The following ASIC2 variants were observed in gnomAD, a reference collection of about 807,000 sequenced individuals.
ASIC2 encodes acid sensing ion channel subunit 2.
In ASIC2, 25 loss-of-function variants were observed where a neutral mutation model predicts 57.3. The observed-to-expected ratio is 0.44, with a 90% CI of 0.32 to 0.61. The LOEUF (loss-of-function observed/expected upper bound fraction) is 0.61. Ranked by LOEUF, ASIC2 falls within the 20% of genes least tolerant of loss-of-function variation. The probability of loss-of-function intolerance (pLI) is 0.06; values close to 1 mark genes in which losing one functional copy is unlikely to be tolerated. For missense variants in ASIC2, 641 were observed against 738.1 expected, an observed-to-expected ratio of 0.87 and a Z score of 1.52; for synonymous variants, 319 against 307.5, an observed-to-expected ratio of 1.04 and a Z score of -0.39.
At chr17:33,268,377 CCAT>C (rs1909558251) in intron 1 of ASIC2, among the ~76,000 whole-genome samples, 1 of 151,804 alleles carries the variant, frequency 6.6e-6, no homozygotes, top group African/African-American at 2.4e-5. Flanking sequence ...ATCCATCCAT[CCAT>C]CCATCCATCC....
At chr17:33,754,990 C>G (rs1462454275) in intron 1 of ASIC2, among the ~76,000 whole-genome samples, 1 of 143,760 alleles carries the variant, frequency 7.0e-6, no homozygotes, top group Non-Finnish European at 1.6e-5. Flanking sequence ...GAACAGTTCC[C>G]TATAGACAGT....
At chr17:33,081,628 A>G (rs1364439532) in intron 3 of ASIC2, among the ~76,000 whole-genome samples, 1 of 152,242 alleles carries the variant, frequency 6.6e-6, no homozygotes, top group South Asian at 2.1e-4. Flanking sequence ...ATTAAGGACC[A>G]TGGATCTGGC....
chr17:33,886,950 A>G (rs1325691883), intron 1 of ASIC2, among the ~76,000 whole-genome samples: 1 of 151,920 alleles, frequency 6.6e-6, no homozygotes, highest in Non-Finnish European at 1.5e-5. Context: ...AAACAAACAA[A>G]CTAACAAAAA....
intron 3 of ASIC2, among the ~76,000 whole-genome samples, chr17:33,078,654 T>A (rs905615257): frequency 6.6e-6 from 1 of 152,116 alleles, no homozygotes; most frequent in African/African-American, 2.4e-5. Flanking sequence ...CCCAGGCTGG[T>A]CTCCAACTCC....
intron 1 of ASIC2, among the ~76,000 whole-genome samples, chr17:33,781,955 T>C (rs777679134): frequency 1.1e-4 from 16 of 152,148 alleles, no homozygotes; most frequent in South Asian, 2.1e-4. Flanking sequence ...GGCTCTCTTA[T>C]AGATTTCTGT....
chr17:33,222,386 T>C (rs1012190671), intron 1 of ASIC2, among the ~76,000 whole-genome samples: 15 of 152,128 alleles, frequency 9.9e-5, no homozygotes, highest in African/African-American at 1.2e-4. Flanking sequence ...TCTACAGAGA[T>C]AGAAAGTAGA....
intron 3 of ASIC2, among the ~76,000 whole-genome samples, chr17:33,029,529 A>G (rs1367113875): frequency 6.6e-6 from 1 of 152,152 alleles, no homozygotes; most frequent in Admixed American, 6.5e-5. Flanking sequence ...TTATCCACTC[A>G]CTTGATGATG....
chr17:33,431,647 A>G (rs1302714465), intron 1 of ASIC2, among the ~76,000 whole-genome samples: 1 of 152,154 alleles, frequency 6.6e-6, no homozygotes, highest in Non-Finnish European at 1.5e-5. Context: ...AAAAGATACC[A>G]TATTTTAGAG....
chr17:33,737,885 G>A (rs888282343), intron 1 of ASIC2, among the ~76,000 whole-genome samples: 4 of 152,078 alleles, frequency 2.6e-5, no homozygotes, highest in African/African-American at 9.7e-5. Flanking sequence ...AGTTGGATAT[G>A]GCAAATGACC....
chr17:34,024,691 C>A (rs532093603), intron 1 of ASIC2, among the ~76,000 whole-genome samples: 36 of 152,320 alleles, frequency 2.4e-4, no homozygotes, highest in African/African-American at 8.7e-4. Flanking sequence ...TGCTCAAAAC[C>A]TGGCCAGCGT....
rs539098018 is a variant in ASIC2, at chr17:33,381,340, G to T, written c.556-269273C>A. ...TCCTGGGCTGAGGCACCAAGAGCATGGGGGGAGGAACTTTCTTTGCTCAGG... is the reference window on the plus strand; with the variant it reads ...TCCTGGGCTGAGGCACCAAGAGCATTGGGGGAGGAACTTTCTTTGCTCAGG... On this transcript the variant is annotated intron_variant, in intron 1 of 9. Coordinates refer to the ASIC2 transcript ENST00000359872. Among the ~76,000 whole-genome samples, 3 of 152,356 alleles carry T rather than the reference G, an allele frequency of 2.0e-5. No homozygotes were observed. In the East Asian group the frequency reaches 5.8e-4, roughly 29 times the overall value.
At chr17:33,636,361 A>T (rs560792513) in intron 1 of ASIC2, among the ~76,000 whole-genome samples, 1 of 152,188 alleles carries the variant, frequency 6.6e-6, no homozygotes, top group Non-Finnish European at 1.5e-5. Context: ...CCTAATCAGC[A>T]TGACGTGCCT....
intron 1 of ASIC2, among the ~76,000 whole-genome samples, chr17:33,607,198 G>C (rs1444887315): frequency 6.6e-6 from 1 of 152,100 alleles, no homozygotes; most frequent in Non-Finnish European, 1.5e-5. Context: ...AAAGGCCAAG[G>C]AACAAGGTAG....
chr17:33,388,327 C>T (rs1430187814), intron 1 of ASIC2, among the ~76,000 whole-genome samples: 1 of 152,202 alleles, frequency 6.6e-6, no homozygotes, highest in Non-Finnish European at 1.5e-5. Flanking sequence ...GGACTTTTGG[C>T]TTCCAGAACT....
chr17:34,020,469 C>G (rs1337496860), intron 1 of ASIC2, among the ~76,000 whole-genome samples: 1 of 152,200 alleles, frequency 6.6e-6, no homozygotes, highest in Non-Finnish European at 1.5e-5. Context: ...TCACTGCTTG[C>G]TCTCCTTCCC....
chr17:33,451,890 A>G (rs1912264415), intron 1 of ASIC2, among the ~76,000 whole-genome samples: 1 of 152,196 alleles, frequency 6.6e-6, no homozygotes, highest in Admixed American at 6.5e-5. Flanking sequence ...TTTGTTGACT[A>G]CTATTCTCCC....
At chr17:33,027,939 C>T (rs2091865740) in intron 4 of ASIC2, among the ~76,000 whole-genome samples, 1 of 152,230 alleles carries the variant, frequency 6.6e-6, no homozygotes, top group African/African-American at 2.4e-5. Context: ...GAATTGCAAG[C>T]ATCCAGTTAT....
chr17:33,678,860 AC>A (rs1907910858), intron 1 of ASIC2, among the ~76,000 whole-genome samples: 1 of 152,012 alleles, frequency 6.6e-6, no homozygotes, highest in Admixed American at 6.6e-5. Flanking sequence ...GTGATTCACT[AC>A]CACCCTGGGA....
At chr17:34,104,704 C>T (rs1169368368) in intron 1 of ASIC2, among the ~76,000 whole-genome samples, 1 of 151,970 alleles carries the variant, frequency 6.6e-6, no homozygotes, top group African/African-American at 2.4e-5. Flanking sequence ...TGCCTTTTCT[C>T]CATCTATTAA....
Sources: allele counts gnomAD v4.1 joint callset (sites outside exome capture counted in the v4.1 genomes callset), GRCh38; gene constraint gnomAD v4.1.1; transcripts MANE v1.5; gene names NCBI Gene and HGNC (gene_info 2026-07-23, HGNC 2026-07-21).